Variants in VPS8 observed in about 807,000 individuals in gnomAD.
VPS8 encodes the protein VPS8 subunit of CORVET complex, also known as vacuolar protein sorting-associated protein 8 homolog.
Under a neutral mutation model 216.4 loss-of-function variants are expected in VPS8, and 129 were observed. That is an observed-to-expected ratio of 0.60 (90% CI 0.52 to 0.69). The LOEUF is 0.69. Among genes scored for constraint, VPS8 ranks in the 30% least tolerant of loss-of-function variants. The probability of loss-of-function intolerance (pLI) is 0.00; values close to 1 mark genes in which losing one functional copy is unlikely to be tolerated. For missense variants in VPS8, 1,531 were observed against 1,683.5 expected (o/e 0.91, Z 1.59); for synonymous variants, 571 against 565.4 (o/e 1.01, Z -0.14).
intron 15 of VPS8, among the ~76,000 whole-genome samples, chr3:184,861,071 C>T (rs1726288391): frequency 6.6e-6 from 1 of 152,196 alleles, no homozygotes; most frequent in African/African-American, 2.4e-5. Context: ...ATCTGCCCGC[C>T]TCAGCCTCCC....
chr3:184,858,067 A>T (rs952993008), intron 14 of VPS8, among the ~76,000 whole-genome samples: 2 of 152,188 alleles, frequency 1.3e-5, no homozygotes, highest in African/African-American at 4.8e-5. Flanking sequence ...GACATCTATG[A>T]TACTACTATG....
In VPS8 at chr3:184,960,284, T is replaced by C. The variant is rs1746299210; in HGVS notation, c.3183+2763T>C. 3.9e-5 allele frequency among the ~76,000 whole-genome samples: 6 copies of C among 152,308 alleles called. No homozygotes were observed. The South Asian group carries it at 1.2e-3, about 32-fold the overall frequency. On this transcript the variant is annotated intron_variant, in intron 37 of 47. Transcript: ENST00000625842. The stretch of plus-strand genomic sequence containing the variant: ...TCCAAGTCTTTGCTATTGTGAATAG[T>C]GTTGCACTCTTTTTCATGACCTCCT...
chr3:184,877,227 T>C (rs2108814154), intron 21 of VPS8, among the ~76,000 whole-genome samples: 1 of 152,308 alleles, frequency 6.6e-6, no homozygotes, highest in South Asian at 2.1e-4. Flanking sequence ...CATTTCTTTC[T>C]AAAATACTAT....
rs775782738 is a variant in VPS8 at position 184,886,153 on chromosome 3, G to A, written c.1778G>A (p.Arg593Gln). 44 of 1,607,556 alleles carry A rather than the reference G, an allele frequency of 2.7e-5. No homozygotes were observed. Among genetic ancestry groups the A allele is most frequent in the South Asian group, 6.7e-5 (6 of 89,490 alleles). Reference sequence around the variant, plus strand: ...GTTGATTACTGCCTTCTGCTGCAGCGAAAGTGAGTATGCGTTGCCTGTCAC... The same window carrying A: ...GTTGATTACTGCCTTCTGCTGCAGCAAAAGTGAGTATGCGTTGCCTGTCAC... Reference protein sequence around the residue: ...VIVDYCLLLQRKDLLFSQMYD... With the variant: ...VIVDYCLLLQQKDLLFSQMYD... Residue 593 changes from arginine to glutamine, a missense_variant, in exon 22 of 48, where the codon CGA becomes CAA. This residue lies in a region of VPS8 where 1,318 missense variants were observed against 1,468.4 expected (regional missense o/e 0.90). Coordinates refer to ENST00000625842, the MANE Select transcript of VPS8 (RefSeq NM_001009921.3).
chr3:184,845,320 G>T (rs1431978011), intron 8 of VPS8, among the ~76,000 whole-genome samples: 2 of 152,054 alleles, frequency 1.3e-5, no homozygotes, highest in African/African-American at 4.8e-5. Context: ...GAATTTTCTG[G>T]ACTACAGAAT....
chr3:184,930,654 A>G (rs1337446767), intron 34 of VPS8, 86 bp downstream of exon 34: 1 of 934,282 alleles, frequency 1.1e-6, no homozygotes, highest in Non-Finnish European at 1.7e-6. Flanking sequence ...AATGGCATGT[A>G]TCATATTAAG....
In VPS8 at chr3:184,966,692, G is replaced by C; in HGVS notation, c.3295G>C (p.Glu1099Gln). ...CTAGAGACTACAAAGCAAACTTCAA[G>C]AGGTAACACATCAAGGTGAAAGTAA... ...MLERLQSKLQ[E>Q]VTHQGENTKE... The change falls in exon 39 of 48, where the codon GAG becomes CAG. Residue 1099 changes from glutamate (E) to glutamine (Q), a missense_variant. This residue lies in a region of VPS8 where 1,318 missense variants were observed against 1,468.4 expected (regional missense o/e 0.90). Coordinates refer to ENST00000625842, the MANE Select transcript of VPS8 (RefSeq NM_001009921.3). 3 of 1,593,216 alleles carry C rather than the reference G, an allele frequency of 1.9e-6. No individual in the cohort carries two copies. Among genetic ancestry groups the C allele is most frequent in the Non-Finnish European group, 2.6e-6 (3 of 1,166,792 alleles).
chr3:185,030,150 G>A (rs1302030975), intron 46 of VPS8, among the ~76,000 whole-genome samples: 1 of 152,144 alleles, frequency 6.6e-6, no homozygotes, highest in Non-Finnish European at 1.5e-5. Context: ...CCCCAGGATA[G>A]ATCCAAATGC....
intron 13 of VPS8, among the ~76,000 whole-genome samples, chr3:184,854,556 C>T (rs770613264): frequency 2.0e-5 from 3 of 152,148 alleles, no homozygotes; most frequent in Non-Finnish European, 4.4e-5. Context: ...CTTCTGAGTG[C>T]AGTAAAATTC....
At chr3:184,840,300 C>T (rs1044137631) in intron 7 of VPS8, 4 of 152,176 alleles carry the variant, frequency 2.6e-5, no homozygotes, top group Non-Finnish European at 4.4e-5. Flanking sequence ...TGTATTTTCT[C>T]ATTTTTTTCT....
chr3:185,019,351 C>T (rs1481669329), intron 45 of VPS8, among the ~76,000 whole-genome samples: 2 of 152,212 alleles, frequency 1.3e-5, no homozygotes, highest in African/African-American at 4.8e-5. Context: ...ATTAAAGACA[C>T]ACACACACAC....
At chr3:184,888,952 T>G (rs1326108417) in intron 22 of VPS8, among the ~76,000 whole-genome samples, 1 of 152,196 alleles carries the variant, frequency 6.6e-6, no homozygotes, top group East Asian at 1.9e-4. Flanking sequence ...GACATAAAGT[T>G]GAAGTGGGCC....
intron 40 of VPS8, among the ~76,000 whole-genome samples, chr3:184,973,020 G>T (rs752198157): frequency 1.3e-5 from 2 of 152,072 alleles, no homozygotes; most frequent in Non-Finnish European, 2.9e-5. Context: ...TCTCCTTTAA[G>T]TTTTTGTCCA....
Position 184,834,815 on chromosome 3 carries a change from A to G in VPS8, c.447+73A>G. 3 of 1,159,296 alleles carry G rather than the reference A, an allele frequency of 2.6e-6. No individual in the cohort carries two copies. The South Asian group carries it at 4.3e-5, about 16-fold the overall frequency. The allele number at this position is 1,159,296 out of a possible 1,614,324, so 71.8% of individuals were successfully genotyped here. On this transcript the variant is annotated intron_variant, in intron 5 of 47. Transcript: ENST00000625842. ...AATGAAGTAGGAATGAGCATAGAAC[A>G]AAATACAGCACTTCTCTTGGCCCGA...
rs759626732 is a variant in VPS8, at chr3:184,915,335, A to AT, written c.2263-13dup. On this transcript the variant is annotated intron_variant, in intron 27 of 47. Transcript: ENST00000625842. Reference sequence around the variant, plus strand: ...TTTGTCAGGTGAGAAAATAATCAACATTTTTTTCCCAACTTGCAGGTTTTT... The same window carrying AT: ...TTTGTCAGGTGAGAAAATAATCAACATTTTTTTTCCCAACTTGCAGGTTTTT... 2.5e-6 allele frequency: 4 copies of AT among 1,607,660 alleles called. No individual in the cohort carries two copies. Among genetic ancestry groups the AT allele is most frequent in the Admixed American group, 1.7e-5 (1 of 58,830 alleles).
intron 45 of VPS8, among the ~76,000 whole-genome samples, chr3:185,000,158 G>C (rs1303167223): frequency 5.9e-5 from 9 of 152,170 alleles, no homozygotes; most frequent in African/African-American, 1.9e-4. Context: ...TTTTGATAGA[G>C]TAACAGCTTA....
intron 45 of VPS8, among the ~76,000 whole-genome samples, chr3:185,022,274 A>C (rs1418081344): frequency 6.6e-6 from 1 of 152,222 alleles, no homozygotes. Context: ...TGAGTCAATT[A>C]AACCTCTTTC....
At chr3:184,842,271 T>C (rs1722331466) in intron 7 of VPS8, among the ~76,000 whole-genome samples, 1 of 147,540 alleles carries the variant, frequency 6.8e-6, no homozygotes, top group South Asian at 2.1e-4. Flanking sequence ...TTAAAATGAA[T>C]ACTTTACAAA....
chr3:184,931,950 A>G (rs77008195), intron 34 of VPS8, among the ~76,000 whole-genome samples: 4,798 of 152,262 alleles, frequency 0.032, 268 homozygotes, highest in African/African-American at 0.11. Context: ...GTGAAATGTG[A>G]TAAATTAATC....
Sources: gnomAD v4.1 joint callset for allele counts (sites outside exome capture counted in the v4.1 genomes callset) on GRCh38, gnomAD v4.1.1 for gene constraint, gnomAD v4.1.1 regional missense constraint, MANE v1.5 for transcripts, NCBI Gene and HGNC (gene_info 2026-07-23, HGNC 2026-07-21) for gene names.